GRIA1: variants seen among roughly 807,000 people sequenced by gnomAD.
The protein encoded by GRIA1 is glutamate receptor 1.
GRIA1 carries 31 observed loss-of-function variants against 99.2 expected under a neutral mutation model. The observed-to-expected ratio is 0.31, with a 90% CI of 0.23 to 0.42. The LOEUF is 0.42. Among genes scored for constraint, GRIA1 ranks in the 10% least tolerant of loss-of-function variants. The pLI is 1.00. For synonymous variants in GRIA1, 438 were observed against 432.4 expected (o/e 1.01, Z -0.16); for missense variants, 782 against 1,157.5 (o/e 0.68, Z 4.71).
At position 153,802,416 on chromosome 5, in the gene GRIA1, G is replaced by A; in HGVS notation, c.2446G>A (p.Gly816Arg). 1 of 1,613,780 alleles carries A rather than the reference G, an allele frequency of 6.2e-7. No individual in the cohort carries two copies. The highest frequency in any genetic ancestry group is 1.1e-5 in the South Asian group (1 of 91,072). The change falls in exon 15 of 16, where the codon GGA (glycine) becomes AGA (arginine). Residue 816 changes from glycine to arginine, a missense_variant. Physicochemically the swap from Gly to Arg is moderately radical, Grantham distance 125. Around this residue, in one of 5 missense-constraint regions of GRIA1, gnomAD observed 119 missense variants for 326.6 expected, o/e 0.36. Transcript: ENST00000285900. ...VAGVFYILIG[G>R]LGLAMLVALI... is the part of the protein sequence containing the mutation. ...AGGCGTGTTCTACATCCTGATCGGA[G>A]GACTTGGACTAGCCATGCTGGTTGC... is the stretch of plus-strand genomic sequence containing the variant.
intron 2 of GRIA1, among the ~76,000 whole-genome samples, chr5:153,624,323 C>G (rs1767370915): frequency 6.6e-6 from 1 of 152,196 alleles, no homozygotes; most frequent in African/African-American, 2.4e-5. Context: ...CAACCTGCAC[C>G]CATTTTCAGA....
intron 2 of GRIA1, among the ~76,000 whole-genome samples, chr5:153,496,515 T>C (rs1009914925): frequency 2.4e-4 from 37 of 152,230 alleles, no homozygotes; most frequent in Non-Finnish European, 4.0e-4. Context: ...GCTTAGACTT[T>C]GTGTTTCTTT....
At chr5:153,754,801 C>T (rs931293787) in intron 11 of GRIA1, among the ~76,000 whole-genome samples, 1 of 152,164 alleles carries the variant, frequency 6.6e-6, no homozygotes, top group Non-Finnish European at 1.5e-5. Context: ...GGGCCTGCTC[C>T]ATGCTGAGCA....
intron 5 of GRIA1, among the ~76,000 whole-genome samples, chr5:153,670,673 G>T (rs1756097384): frequency 6.6e-6 from 1 of 151,426 alleles, no homozygotes; most frequent in Non-Finnish European, 1.5e-5. Flanking sequence ...ACCCTCTAAG[G>T]TTTTTTTTAA....
intron 5 of GRIA1, among the ~76,000 whole-genome samples, chr5:153,667,398 T>C (rs1378416811): frequency 6.6e-6 from 1 of 152,188 alleles, no homozygotes; most frequent in African/African-American, 2.4e-5. Flanking sequence ...AAGCCTTTCA[T>C]CCTTCGATAG....
At chr5:153,571,226 T>G (rs907067595) in intron 2 of GRIA1, among the ~76,000 whole-genome samples, 3 of 152,168 alleles carry the variant, frequency 2.0e-5, no homozygotes, top group Non-Finnish European at 4.4e-5. Flanking sequence ...ATTTGCCGAC[T>G]GGGGGCACTT....
At chr5:153,756,146 C>A (rs536704138) in intron 11 of GRIA1, among the ~76,000 whole-genome samples, 1 of 152,334 alleles carries the variant, frequency 6.6e-6, no homozygotes, top group African/African-American at 2.4e-5. Flanking sequence ...GCACAAGGAA[C>A]CAGAGGGAAA....
At chr5:153,547,925 T>C (rs1441690606) in intron 2 of GRIA1, among the ~76,000 whole-genome samples, 1 of 152,192 alleles carries the variant, frequency 6.6e-6, no homozygotes, top group Non-Finnish European at 1.5e-5. Flanking sequence ...ATAGGTCAGA[T>C]ATAATTATCA....
intron 2 of GRIA1, among the ~76,000 whole-genome samples, chr5:153,506,316 G>GGGGT (rs1426977118): frequency 9.3e-5 from 13 of 140,326 alleles, no homozygotes; most frequent in East Asian, 2.1e-4. Context: ...TGGCAAGAAG[G>GGGGT]GTGTGTGTGT....
At chr5:153,763,800 T>G (rs537826909) in intron 11 of GRIA1, among the ~76,000 whole-genome samples, 1 of 152,372 alleles carries the variant, frequency 6.6e-6, no homozygotes, top group South Asian at 2.1e-4. Context: ...TTTTTTTATC[T>G]TTTTTATTTC....
chr5:153,519,055 G>C (rs963447827), intron 2 of GRIA1, among the ~76,000 whole-genome samples: 1 of 152,122 alleles, frequency 6.6e-6, no homozygotes, highest in African/African-American at 2.4e-5. Context: ...ACAAGGTCAG[G>C]AGATCGAGAC....
chr5:153,574,982 G>A (rs1762407479), intron 2 of GRIA1, among the ~76,000 whole-genome samples: 1 of 152,108 alleles, frequency 6.6e-6, no homozygotes, highest in South Asian at 2.1e-4. Context: ...GAAAGAAATA[G>A]TTTGTGCTGT....
At chr5:153,657,746 A>C (rs1322957593) in intron 5 of GRIA1, among the ~76,000 whole-genome samples, 1 of 152,170 alleles carries the variant, frequency 6.6e-6, no homozygotes, top group Non-Finnish European at 1.5e-5. Context: ...TTGTCTTGGC[A>C]ATATTTCGGA....
At chr5:153,592,945 G>A (rs1456739661) in intron 2 of GRIA1, among the ~76,000 whole-genome samples, 1 of 152,102 alleles carries the variant, frequency 6.6e-6, no homozygotes, top group Non-Finnish European at 1.5e-5. Context: ...GTCTCATCAT[G>A]GGGCTCCACC....
intron 14 of GRIA1, among the ~76,000 whole-genome samples, chr5:153,795,929 T>G (rs1765617341): frequency 6.6e-6 from 1 of 151,966 alleles, no homozygotes; most frequent in Non-Finnish European, 1.5e-5. Context: ...CAACCCAGGA[T>G]GGTCCTTTTG....
intron 2 of GRIA1, among the ~76,000 whole-genome samples, chr5:153,502,976 A>G (rs1301596385): frequency 2.0e-5 from 3 of 152,204 alleles, no homozygotes; most frequent in Non-Finnish European, 4.4e-5. Flanking sequence ...GATTTATCTT[A>G]CTGTCTTATA....
intron 2 of GRIA1, among the ~76,000 whole-genome samples, chr5:153,521,564 G>C (rs1297502888): frequency 1.3e-5 from 2 of 152,206 alleles, no homozygotes; most frequent in African/African-American, 4.8e-5. Flanking sequence ...CTTGAGTCTG[G>C]ACAGAACCAT....
rs200819140 is a variant in GRIA1 at position 153,799,089 on chromosome 5, CT to C, written c.2386-3266del. ...TGAATTGTGACTTTTCCACCCCCCC[CT>C]GACAAGCTGCCTAGCTTTTCTGGTG... On this transcript the variant is annotated intron_variant, in intron 14 of 15. Coordinates refer to ENST00000285900, the MANE Select transcript of GRIA1 (RefSeq NM_000827.4). 4.0e-3 allele frequency among the ~76,000 whole-genome samples: 599 copies of C among 150,344 alleles called. 1 individual carries two copies. The highest frequency in any genetic ancestry group is 0.015 in the East Asian group (75 of 5,170).
chr5:153,604,992 G>A (rs1765321434), intron 2 of GRIA1, among the ~76,000 whole-genome samples: 1 of 152,062 alleles, frequency 6.6e-6, no homozygotes, highest in Non-Finnish European at 1.5e-5. Flanking sequence ...TTTGAGACCA[G>A]CCTGACCAAC....
Sources: gnomAD v4.1 joint callset for allele counts (sites outside exome capture counted in the v4.1 genomes callset) on GRCh38, gnomAD v4.1.1 for gene constraint, gnomAD v4.1.1 regional missense constraint, MANE v1.5 for transcripts, NCBI Gene and HGNC (gene_info 2026-07-23, HGNC 2026-07-21) for gene names.